ASTL: variants seen among roughly 807,000 people sequenced by gnomAD.
ASTL encodes astacin like metalloendopeptidase.
ASTL carries 27 observed loss-of-function variants against 36.7 expected under a neutral mutation model. The ratio of observed to expected loss-of-function variants is 0.73; its 90% CI spans 0.54 to 1.01. The LOEUF is 1.01. ASTL is among the 50% of genes least tolerant of loss of function. The probability of loss-of-function intolerance (pLI) is 0.00; values close to 1 mark genes in which losing one functional copy is unlikely to be tolerated. For missense variants in ASTL, 524 were observed against 572.8 expected (o/e 0.91, Z 0.87); for synonymous variants, 222 against 228.1 (o/e 0.97, Z 0.24).
Position 96,122,960 on chromosome 2 carries a change from C to G in ASTL, c.*890G>C, listed in dbSNP as rs542323515. 6.6e-6 allele frequency among the ~76,000 whole-genome samples: 1 copy of G among 152,388 alleles called. No homozygotes were observed. The highest frequency in any genetic ancestry group is 1.9e-4 in the East Asian group (1 of 5,188). On this transcript the variant is annotated 3_prime_UTR_variant, in exon 9 of 9. Coordinates refer to ENST00000342380, the MANE Select transcript of ASTL (RefSeq NM_001002036.4). The stretch of plus-strand genomic sequence containing the variant: ...CTGAGGGGCCTCTGGCCTAGGCCCA[C>G]TCATTGGCACCCTGGATGCTTTCTT...
At position 96,132,780 on chromosome 2, in the gene ASTL, G is replaced by A. The variant is rs1682210869; in HGVS notation, c.456-59C>T. ...CAGCCCAGATCCCTCCGGACATACA[G>A]ACCTGGGCTCTCCCTCCCCACACAA... On this transcript the variant is annotated intron_variant, in intron 5 of 8. Coordinates refer to ENST00000342380, the MANE Select transcript of ASTL (RefSeq NM_001002036.4). The surrounding 1 kb of genome is among the most constrained non-coding windows in gnomAD (Gnocchi z 5.4). 16 of 1,488,590 alleles carry A rather than the reference G, an allele frequency of 1.1e-5. No individual in the cohort carries two copies. Among genetic ancestry groups the A allele is most frequent in the Non-Finnish European group, 1.5e-5 (16 of 1,093,182 alleles). The allele number at this position is 1,488,590 out of a possible 1,614,324, so 92.2% of individuals were successfully genotyped here.
At chr2:96,135,526 T>C (rs1573916560) in intron 2 of ASTL, 114 bp from the exon 3 acceptor site, 9 of 893,886 alleles carry the variant, frequency 1.0e-5, no homozygotes, top group Non-Finnish European at 1.6e-5. Flanking sequence ...CCTAGTGGAT[T>C]GTTACTTTTA....
At position 96,132,722 on chromosome 2, in the gene ASTL, CT is replaced by C. The variant is rs1168886995; in HGVS notation, c.456-2del. ...ACTGCGCCCCACACTCGAGAAGCACCTGCAGGGTGATGAGAGCAAGTGGGGT... is the reference window on the plus strand; with the variant it reads ...ACTGCGCCCCACACTCGAGAAGCACCGCAGGGTGATGAGAGCAAGTGGGGT... On this transcript the variant is annotated splice_acceptor_variant, in intron 5 of 8. Coordinates refer to ENST00000342380, the MANE Select transcript of ASTL (RefSeq NM_001002036.4). LOFTEE classifies it high-confidence loss of function. The surrounding 1 kb of genome is among the most constrained non-coding windows in gnomAD (Gnocchi z 5.4). The C allele has an allele frequency of 1.2e-6, 2 of 1,605,516 alleles. No homozygotes were observed. The highest frequency in any genetic ancestry group is 1.7e-5 in the Admixed American group (1 of 59,760).
rs749531143 is a variant in ASTL at position 96,137,713 on chromosome 2, G to T, written c.56-13C>A. 6.8e-6 allele frequency: 11 copies of T among 1,609,212 alleles called. No homozygotes were observed. Among genetic ancestry groups the T allele is most frequent in the Non-Finnish European group, 9.3e-6 (11 of 1,177,916 alleles). On this transcript the variant is annotated splice_polypyrimidine_tract_variant and intron_variant, in intron 1 of 8. Coordinates refer to ENST00000342380, the MANE Select transcript of ASTL (RefSeq NM_001002036.4). ...CCTAGGATCACACCTGGTCCAGACA[G>T]ACAGGGGCATACACAGATGCCTGGA...
In ASTL at chr2:96,124,173, G is replaced by T. The variant is rs773350568; in HGVS notation, c.973C>A (p.Pro325Thr). The T allele has an allele frequency of 6.5e-7, 1 of 1,541,140 alleles. No homozygotes were observed. Among genetic ancestry groups the T allele is most frequent in the Non-Finnish European group, 8.7e-7 (1 of 1,146,016 alleles). The change falls in exon 9 of 9, where the codon CCC becomes ACC. Residue 325 changes from proline (P) to threonine (T), a missense_variant. Pro to Thr is a conservative substitution (Grantham distance 38). Transcript: ENST00000342380. This position sits in a 1 kb window ranked among gnomAD's most constrained non-coding sequence, Gnocchi z 4.1. ...TGGCCTCCCGCACTGGAACCACTGG[G>T]GTCGGGGCTCCTGGATTCCGCCGAC... ...ALSAESRSPD[P>T]SGSSAGGQPV...
At chr2:96,131,926 A>C (rs1357072443) in intron 6 of ASTL, among the ~76,000 whole-genome samples, 2 of 152,104 alleles carry the variant, frequency 1.3e-5, no homozygotes, top group Non-Finnish European at 2.9e-5. Context: ...CACCATCACC[A>C]GGATCTGATC....
At position 96,137,574 on chromosome 2, in the gene ASTL, C is replaced by T; in HGVS notation, c.181+1G>A. ...GCCGTGAGAAGATGTAGTGCCCTCA[C>T]CTTGGTTAATTGCAGGAATGTCCTT... On this transcript the variant is annotated splice_donor_variant, in intron 2 of 8. Coordinates refer to ENST00000342380, the MANE Select transcript of ASTL (RefSeq NM_001002036.4). LOFTEE classifies it high-confidence loss of function. The T allele has an allele frequency of 1.2e-6, 2 of 1,613,434 alleles. No homozygotes were observed. The highest frequency in any genetic ancestry group is 1.7e-6 in the Non-Finnish European group (2 of 1,179,456).
chr2:96,126,522 G>A (rs907579933), intron 8 of ASTL, among the ~76,000 whole-genome samples: 20 of 152,188 alleles, frequency 1.3e-4, no homozygotes, highest in African/African-American at 4.6e-4. Flanking sequence ...GGGAGAAATC[G>A]GAACCCTCGT....
intron 4 of ASTL, 195 bp from the exon 5 acceptor site, chr2:96,133,737 C>T (rs977574940): frequency 1.4e-5 from 9 of 635,266 alleles, no homozygotes; most frequent in African/African-American, 5.5e-5. Context: ...TCCTCTGCAC[C>T]GCATGGTCTC....
chr2:96,138,121 C>T (rs546787914), intron 1 of ASTL, among the ~76,000 whole-genome samples: 11 of 152,168 alleles, frequency 7.2e-5, no homozygotes, highest in Non-Finnish European at 1.3e-4. Context: ...TGGGGACTTA[C>T]AGCCTACCCC....
chr2:96,133,115 C>T (rs556669780), intron 5 of ASTL, among the ~76,000 whole-genome samples: 1 of 152,338 alleles, frequency 6.6e-6, no homozygotes, highest in East Asian at 1.9e-4. Flanking sequence ...AGAAGAGGCT[C>T]AGAAGTTAGG....
Position 96,129,875 on chromosome 2 carries a change from C to T in ASTL, c.823G>A (p.Val275Ile). 1 of 1,600,312 alleles carries T rather than the reference C, an allele frequency of 6.2e-7. No individual in the cohort carries two copies. Among genetic ancestry groups the T allele is most frequent in the Middle Eastern group, 2.0e-4 (1 of 5,036 alleles). The change falls in exon 8 of 9, where the codon GTC (valine) becomes ATC (isoleucine). Residue 275 changes from valine to isoleucine, a missense_variant. Val to Ile is a conservative substitution (Grantham distance 29). Transcript: ENST00000342380. ...WNLSASDITR[V>I]LKLYGCSPSG... ...GGGCTGCAGCCGTAGAGTTTGAGGA[C>T]CCGGGTGATGTCCGAGGCACTCAGG... is the stretch of plus-strand genomic sequence containing the variant.
At chr2:96,127,015 C>T (rs1438562553) in intron 8 of ASTL, among the ~76,000 whole-genome samples, 1 of 152,104 alleles carries the variant, frequency 6.6e-6, no homozygotes, top group African/African-American at 2.4e-5. Flanking sequence ...AGTAAAAACC[C>T]AAGTGTCCCT....
In ASTL at chr2:96,132,765, C is replaced by T. The variant is rs1230036032; in HGVS notation, c.456-44G>A. 14 of 1,560,508 alleles carry T rather than the reference C, an allele frequency of 9.0e-6. No individual in the cohort carries two copies. Among genetic ancestry groups the T allele is most frequent in the Non-Finnish European group, 1.2e-5 (14 of 1,142,626 alleles). ...AAGTGGGGTAAGTGCCAGCCCAGATCCCTCCGGACATACAGACCTGGGCTC... is the reference window on the plus strand; with the variant it reads ...AAGTGGGGTAAGTGCCAGCCCAGATTCCTCCGGACATACAGACCTGGGCTC... On this transcript the variant is annotated intron_variant, in intron 5 of 8. Coordinates refer to ENST00000342380, the MANE Select transcript of ASTL (RefSeq NM_001002036.4). The surrounding 1 kb of genome is among the most constrained non-coding windows in gnomAD (Gnocchi z 5.4).
At position 96,123,754 on chromosome 2, in the gene ASTL, G is replaced by T; in HGVS notation, c.*96C>A. The T allele has an allele frequency of 1.0e-6, 1 of 991,614 alleles. No homozygotes were observed. The highest frequency in any genetic ancestry group is 1.5e-6 in the Non-Finnish European group (1 of 657,070). 61.4% of individuals were successfully genotyped at this position (991,614 alleles called of 1,614,324 possible). A position where few individuals can be genotyped will look rare whatever the true frequency, so the allele number is the denominator to read the frequency against. On this transcript the variant is annotated 3_prime_UTR_variant, in exon 9 of 9. Coordinates refer to ENST00000342380, the MANE Select transcript of ASTL (RefSeq NM_001002036.4). ...GAGATGGGGTGGTAGGTTGGGGCTG[G>T]AAGACAGTGGTGTGGCCCAAAGGAG...
chr2:96,129,674 A>T, intron 8 of ASTL, 150 bp downstream of exon 8: 1 of 610,372 alleles, frequency 1.6e-6, no homozygotes, highest in Non-Finnish European at 2.6e-6. Flanking sequence ...AACTTTCCTC[A>T]AGTGCTTGTT....
chr2:96,133,040 A>C (rs1249410729), intron 5 of ASTL, among the ~76,000 whole-genome samples: 5 of 152,134 alleles, frequency 3.3e-5, no homozygotes, highest in African/African-American at 1.2e-4. Context: ...CTTTCACACA[A>C]ATTGCCTCAG....
intron 2 of ASTL, among the ~76,000 whole-genome samples, chr2:96,136,511 G>T (rs747666291): frequency 3.3e-5 from 5 of 152,264 alleles, no homozygotes; most frequent in Non-Finnish European, 7.3e-5. Context: ...GCATTTGGGA[G>T]TTTTCTCCAT....
In ASTL at chr2:96,135,330, C is replaced by T. The variant is rs373428105; in HGVS notation, c.243+21G>A. The T allele has an allele frequency of 1.4e-5, 22 of 1,611,742 alleles. No individual in the cohort carries two copies. The Admixed American group carries it at 2.2e-4, about 16-fold the overall frequency. Reference sequence around the variant, plus strand: ...AACTGTGGGCTTATCCGCACCCACACACGTCAGTGTGTGCACTCACCGGCC... The same window carrying T: ...AACTGTGGGCTTATCCGCACCCACATACGTCAGTGTGTGCACTCACCGGCC... On this transcript the variant is annotated intron_variant, in intron 3 of 8. Transcript: ENST00000342380.
Sources: allele counts gnomAD v4.1 joint callset (sites outside exome capture counted in the v4.1 genomes callset), GRCh38; gene constraint gnomAD v4.1.1; non-coding constraint Gnocchi (gnomAD v3.1); transcripts MANE v1.5; gene names NCBI Gene and HGNC (gene_info 2026-07-23, HGNC 2026-07-21).